Variants in MTHFD2L observed in about 807,000 individuals in gnomAD.
MTHFD2L encodes the protein bifunctional methylenetetrahydrofolate dehydrogenase/cyclohydrolase 2, mitochondrial.
A neutral mutation model predicts 34.9 loss-of-function variants in MTHFD2L; 29 were observed. The observed-to-expected ratio is 0.83, with a 90% CI of 0.62 to 1.13. The LOEUF is 1.13. Among genes scored for constraint, MTHFD2L ranks in the 50% most tolerant of loss-of-function variants. The pLI is 0.00. For missense variants in MTHFD2L, 481 were observed against 446.5 expected (o/e 1.08, Z -0.70); for synonymous variants, 167 against 155.7 (o/e 1.07, Z -0.54).
At chr4:74,255,039 G>T (rs1033528419) in intron 6 of MTHFD2L, among the ~76,000 whole-genome samples, 4 of 148,662 alleles carry the variant, frequency 2.7e-5, no homozygotes, top group African/African-American at 2.5e-5. Flanking sequence ...GGAGGCTGAG[G>T]CAGGAGAATC....
intron 5 of MTHFD2L, among the ~76,000 whole-genome samples, chr4:74,209,912 A>T (rs932877124): frequency 6.6e-6 from 1 of 152,082 alleles, no homozygotes; most frequent in African/African-American, 2.4e-5. Flanking sequence ...TTGGTATCTC[A>T]TTGTGGTTTT....
chr4:74,132,560 G>A (rs962251216), intron 1 of MTHFD2L, among the ~76,000 whole-genome samples: 4 of 152,100 alleles, frequency 2.6e-5, no homozygotes, highest in Non-Finnish European at 4.4e-5. Flanking sequence ...GACACAGGGA[G>A]GGGAACATCA....
chr4:74,269,333 G>T (rs1465204887), intron 6 of MTHFD2L, among the ~76,000 whole-genome samples: 1 of 152,024 alleles, frequency 6.6e-6, no homozygotes, highest in Non-Finnish European at 1.5e-5. Flanking sequence ...TTGTTAGACA[G>T]AATTTTCTAA....
In MTHFD2L at chr4:74,203,876, T is replaced by C. The variant is rs1182001119; in HGVS notation, c.712+2506T>C. 3.5e-5 allele frequency among the ~76,000 whole-genome samples: 5 copies of C among 142,418 alleles called. No individual in the cohort carries two copies. In the Admixed American group the frequency reaches 3.8e-4, roughly 11 times the overall value. 93.4% of individuals were successfully genotyped at this position (142,418 alleles called of 152,430 possible). On this transcript the variant is annotated intron_variant, in intron 5 of 7. Transcript: ENST00000325278. The stretch of plus-strand genomic sequence containing the variant: ...GTATACTATTTCTTCTTGGAAAATT[T>C]TGACCAAGAGCCAATTTGCAGTTTT...
At chr4:74,165,547 G>T (rs868706540) in intron 1 of MTHFD2L, among the ~76,000 whole-genome samples, 1 of 152,068 alleles carries the variant, frequency 6.6e-6, no homozygotes, top group Non-Finnish European at 1.5e-5. Flanking sequence ...TAGTAGAGAC[G>T]GGGTTTCACC....
chr4:74,204,500 T>C (rs1443696445), intron 5 of MTHFD2L, among the ~76,000 whole-genome samples: 1 of 152,172 alleles, frequency 6.6e-6, no homozygotes, highest in Non-Finnish European at 1.5e-5. Context: ...GGATTTTGTT[T>C]TTGCATTTTT....
intron 6 of MTHFD2L, among the ~76,000 whole-genome samples, chr4:74,255,186 TAAAAAA>T (rs1055384185): frequency 6.0e-5 from 7 of 116,966 alleles, no homozygotes; most frequent in Non-Finnish European, 9.4e-5. Flanking sequence ...GTATACAGTA[TAAAAAA>T]ATGTAAATTG....
intron 7 of MTHFD2L, among the ~76,000 whole-genome samples, chr4:74,291,673 G>T (rs1284602993): frequency 1.3e-5 from 2 of 152,172 alleles, no homozygotes; most frequent in Non-Finnish European, 1.5e-5. Context: ...TGCAAAGTAA[G>T]CTTATTTGGA....
chr4:74,250,713 G>A (rs906979412), intron 6 of MTHFD2L, among the ~76,000 whole-genome samples: 2 of 152,070 alleles, frequency 1.3e-5, no homozygotes, highest in Non-Finnish European at 2.9e-5. Flanking sequence ...ATACTCCCTA[G>A]CAAATCCAGT....
At chr4:74,233,645 G>A (rs1425567479) in intron 6 of MTHFD2L, among the ~76,000 whole-genome samples, 2 of 151,872 alleles carry the variant, frequency 1.3e-5, no homozygotes, top group Non-Finnish European at 2.9e-5. Context: ...CTAATACTTT[G>A]GTAATATAGA....
In MTHFD2L at chr4:74,134,825, G is replaced by T. The variant is rs1200691374; in HGVS notation, c.-297+9308G>T. ...CTAAGAACTACATTTGCTGAACTAA[G>T]AAACTCTTCAGGGGATCTCAACCAC... On this transcript the variant is annotated intron_variant, in intron 1 of 7. Transcript: ENST00000433372. Among the ~76,000 whole-genome samples, 4 of 152,000 alleles carry T rather than the reference G, an allele frequency of 2.6e-5. No individual in the cohort carries two copies. The East Asian group carries it at 7.7e-4, about 29-fold the overall frequency.
upstream of MTHFD2L, chr4:74,125,387 G>T (rs1368929582): frequency 2.6e-5 from 4 of 152,116 alleles, no homozygotes; most frequent in African/African-American, 9.7e-5. Flanking sequence ...ACTGCAAAGG[G>T]ATATCTAAAA....
intron 6 of MTHFD2L, among the ~76,000 whole-genome samples, chr4:74,270,670 CT>C (rs919926417): frequency 3.3e-5 from 5 of 152,144 alleles, no homozygotes; most frequent in African/African-American, 1.2e-4. Flanking sequence ...ATTTATAATC[CT>C]TTGGGTATAT....
intron 1 of MTHFD2L, among the ~76,000 whole-genome samples, chr4:74,164,183 T>G (rs1389789758): frequency 6.6e-6 from 1 of 152,218 alleles, no homozygotes; most frequent in African/African-American, 2.4e-5. Context: ...GCCAGGTTTT[T>G]TCAACATTAT....
chr4:74,138,756 G>A (rs1723106319), intron 1 of MTHFD2L, among the ~76,000 whole-genome samples: 1 of 152,082 alleles, frequency 6.6e-6, no homozygotes, highest in Non-Finnish European at 1.5e-5. Context: ...GTGTTCAGTA[G>A]CAAGATTTAA....
intron 6 of MTHFD2L, among the ~76,000 whole-genome samples, chr4:74,234,793 GAC>G (rs1740598118): frequency 7.5e-6 from 1 of 134,072 alleles, no homozygotes; most frequent in African/African-American, 3.6e-5. Context: ...TAGAAAAGGA[GAC>G]AGTGTGTGTG....
At chr4:74,245,385 T>C (rs72654816) in intron 6 of MTHFD2L, among the ~76,000 whole-genome samples, 2,519 of 152,106 alleles carry the variant, frequency 0.017, 24 homozygotes, top group Middle Eastern at 0.034. Flanking sequence ...AAACATTTAA[T>C]TCATCAATTT....
chr4:74,276,045 G>T (rs1746605279), intron 6 of MTHFD2L, among the ~76,000 whole-genome samples: 1 of 151,944 alleles, frequency 6.6e-6, no homozygotes, highest in Non-Finnish European at 1.5e-5. Flanking sequence ...GAGTGGTATT[G>T]CAAAGCAAGT....
intron 3 of MTHFD2L, among the ~76,000 whole-genome samples, chr4:74,193,518 C>T (rs1381162248): frequency 6.6e-6 from 1 of 152,138 alleles, no homozygotes; most frequent in Non-Finnish European, 1.5e-5. Context: ...CTCTATAAAT[C>T]AGTTTGGGAA....
Sources: gnomAD v4.1 joint callset for allele counts (sites outside exome capture counted in the v4.1 genomes callset) on GRCh38, gnomAD v4.1.1 for gene constraint, MANE v1.5 for transcripts, NCBI Gene and HGNC (gene_info 2026-07-23, HGNC 2026-07-21) for gene names.